ANKRD28: variants seen among roughly 807,000 people sequenced by gnomAD.
ANKRD28 encodes ankyrin repeat domain 28, also known as serine/threonine-protein phosphatase 6 regulatory ankyrin repeat subunit A.
ANKRD28 carries 44 observed loss-of-function variants against 126.5 expected under a neutral mutation model. The ratio of observed to expected loss-of-function variants is 0.35; its 90% CI spans 0.27 to 0.45. The LOEUF (loss-of-function observed/expected upper bound fraction) is 0.45, where lower values mean the gene tolerates loss of function less well. Among genes scored for constraint, ANKRD28 ranks in the 20% least tolerant of loss-of-function variants. ANKRD28 has a pLI of 1.00. For synonymous variants in ANKRD28, 442 were observed against 468.5 expected, an observed-to-expected ratio of 0.94 and a Z score of 0.73; for missense variants, 1,110 against 1,316.6, an observed-to-expected ratio of 0.84 and a Z score of 2.43.
intron 4 of ANKRD28, among the ~76,000 whole-genome samples, chr3:15,744,321 C>T (rs2057325145): frequency 6.7e-6 from 1 of 148,772 alleles, no homozygotes; most frequent in Non-Finnish European, 1.5e-5. Flanking sequence ...TTATCTTTTT[C>T]TTTTTTTTTT....
Position 15,817,552 on chromosome 3 carries a change from G to A in ANKRD28, c.28-22246C>T, listed in dbSNP as rs572960318. Among the ~76,000 whole-genome samples the A allele has an allele frequency of 6.6e-6, 1 of 152,220 alleles. No individual in the cohort carries two copies. The highest frequency in any genetic ancestry group is 1.9e-4 in the East Asian group (1 of 5,178). On this transcript the variant is annotated intron_variant, in intron 1 of 27. Coordinates refer to the ANKRD28 transcript ENST00000399451. This position sits in a 1 kb window ranked among gnomAD's most constrained non-coding sequence, Gnocchi z 4.5. Reference sequence around the variant, plus strand: ...AGACAGACAGACATACAGTTCCTTAGGAATCACAAGATATACCAGTTGATG... The same window carrying A: ...AGACAGACAGACATACAGTTCCTTAAGAATCACAAGATATACCAGTTGATG...
At position 15,814,256 on chromosome 3, in the gene ANKRD28, A is replaced by T. The variant is rs2060786790; in HGVS notation, c.28-18950T>A. 7.9e-7 allele frequency: 1 copy of T among 1,259,378 alleles called. No individual in the cohort carries two copies. Among genetic ancestry groups the T allele is most frequent in the Non-Finnish European group, 1.0e-6 (1 of 978,862 alleles). 78.0% of individuals were successfully genotyped at this position (1,259,378 alleles called of 1,614,324 possible). On this transcript the variant is annotated intron_variant, in intron 1 of 27. Transcript: ENST00000399451. The surrounding 1 kb of genome is among the most constrained non-coding windows in gnomAD (Gnocchi z 4.7). ...ATAACCTACCATAATAGGAATTCCC[A>T]TACTATTTTCCTCTGGTGGAGGCAG...
intron 6 of ANKRD28, among the ~76,000 whole-genome samples, chr3:15,726,286 G>T (rs1038123876): frequency 6.6e-6 from 1 of 152,184 alleles, no homozygotes; most frequent in East Asian, 1.9e-4. Context: ...CAGGCTGAAA[G>T]CTAGGCCTCC....
chr3:15,686,201 C>G, intron 19 of ANKRD28, 21 bp downstream of exon 19: 1 of 1,589,370 alleles, frequency 6.3e-7, no homozygotes, highest in Non-Finnish European at 8.6e-7. Context: ...TGTGATGCAA[C>G]AATTATTTAT....
chr3:15,710,377 T>G (rs1263025099), intron 12 of ANKRD28, among the ~76,000 whole-genome samples: 2 of 152,170 alleles, frequency 1.3e-5, no homozygotes, highest in Non-Finnish European at 2.9e-5. Flanking sequence ...GACACTCAAG[T>G]CTGTTGTCCC....
chr3:15,772,316 A>T (rs141326447), intron 2 of ANKRD28, among the ~76,000 whole-genome samples: 120 of 152,318 alleles, frequency 7.9e-4, no homozygotes, highest in African/African-American at 2.8e-3. Flanking sequence ...ATCAAAGGAA[A>T]AAATAGTCTG....
intron 1 of ANKRD28, among the ~76,000 whole-genome samples, chr3:15,807,190 G>A (rs1037378394): frequency 3.9e-5 from 6 of 152,050 alleles, no homozygotes; most frequent in Admixed American, 3.3e-4. Context: ...ATATCCTTCC[G>A]TGTCTCCCTT....
Position 15,707,943 on chromosome 3 carries a change from T to C in ANKRD28, c.1528A>G (p.Thr510Ala). ...ACTTACTTGCCATCTGTGTCTGATG[T>C]AGCTGCATAGTGCAGGGGTGTGCAG... ...RGCTPLHYAATSDTDGKCLEY... is the reference protein window; with the variant it reads ...RGCTPLHYAAASDTDGKCLEY... The change falls in exon 14 of 28, where the codon ACA (threonine) becomes GCA (alanine). Residue 510 changes from threonine to alanine, a missense_variant. Thr to Ala is a moderately conservative substitution (Grantham distance 58). Transcript: ENST00000683139. The C allele has an allele frequency of 6.2e-7, 1 of 1,613,410 alleles. No homozygotes were observed. Among genetic ancestry groups the C allele is most frequent in the Admixed American group, 1.7e-5 (1 of 59,926 alleles).
At chr3:15,743,373 AAC>A (rs2057240407) in intron 4 of ANKRD28, among the ~76,000 whole-genome samples, 1 of 148,272 alleles carries the variant, frequency 6.7e-6, no homozygotes, top group African/African-American at 2.6e-5. Flanking sequence ...CAAACAAACA[AAC>A]AAAAAAAAAC....
rs967347869 is a variant in ANKRD28, at chr3:15,797,196, CAAAAAACAAAAACA to C, written c.-689_-676del. ...ATTCTTTCAGTGTTTGGGAAAGGGG[CAAAAAACAAAAACA>C]AAAAAAAAAAAACCACTCTGCATTA... On this transcript the variant is annotated 5_prime_UTR_variant, in exon 1 of 28. An upstream open reading frame in the 5' UTR loses its in-frame stop. Transcript: ENST00000683139. The C allele has an allele frequency of 3.0e-5, 18 of 605,230 alleles. No homozygotes were observed. The South Asian group carries it at 4.9e-4, about 17-fold the overall frequency. 37.5% of individuals were successfully genotyped at this position (605,230 alleles called of 1,614,324 possible).
At chr3:15,809,428 A>G (rs1303420848) in intron 1 of ANKRD28, among the ~76,000 whole-genome samples, 1 of 152,218 alleles carries the variant, frequency 6.6e-6, no homozygotes, top group Non-Finnish European at 1.5e-5. Context: ...AAGCCTGACC[A>G]GAGTACTACC....
chr3:15,772,521 T>G (rs2059067089), intron 2 of ANKRD28, among the ~76,000 whole-genome samples: 1 of 152,080 alleles, frequency 6.6e-6, no homozygotes, highest in Admixed American at 6.6e-5. Context: ...TTGAAAAGGG[T>G]ACTACATCAC....
At chr3:15,726,920 A>G (rs2125023757) in intron 6 of ANKRD28, among the ~76,000 whole-genome samples, 1 of 152,244 alleles carries the variant, frequency 6.6e-6, no homozygotes, top group East Asian at 1.9e-4. Flanking sequence ...CACTTTGCCT[A>G]TGCTCTAAAA....
At chr3:15,800,891 T>A, upstream of ANKRD28, among the ~76,000 whole-genome samples, 1 of 152,122 alleles carries the variant, frequency 6.6e-6, no homozygotes, top group East Asian at 1.9e-4. Flanking sequence ...CAGCACTGTT[T>A]TGTGTCTTCT....
At chr3:15,777,849 T>TACACACAAACACACACACAC (rs2059357801) in intron 2 of ANKRD28, among the ~76,000 whole-genome samples, 2 of 106,136 alleles carry the variant, frequency 1.9e-5, no homozygotes, top group African/African-American at 6.5e-5. Flanking sequence ...AAAACCAAAC[T>TACACACAAACACACACACAC]ACACACACAC....
At chr3:15,820,931 A>G (rs532720813) in intron 1 of ANKRD28, among the ~76,000 whole-genome samples, 3 of 152,320 alleles carry the variant, frequency 2.0e-5, no homozygotes, top group African/African-American at 7.2e-5. Context: ...CTTTACAGCA[A>G]TACATATATG....
intron 2 of ANKRD28, among the ~76,000 whole-genome samples, chr3:15,789,177 T>A (rs1285224125): frequency 3.3e-5 from 5 of 152,138 alleles, no homozygotes; most frequent in Non-Finnish European, 7.4e-5. Context: ...GTTAGGTTCC[T>A]ATCCAAACAA....
At chr3:15,807,715 G>A (rs1027119381) in intron 1 of ANKRD28, among the ~76,000 whole-genome samples, 2 of 152,150 alleles carry the variant, frequency 1.3e-5, no homozygotes, top group African/African-American at 2.4e-5. Context: ...GGTTGATAAA[G>A]CTGAAGATAT....
At position 15,854,177 on chromosome 3, in the gene ANKRD28, C is replaced by T. The variant is rs374282448; in HGVS notation, c.27+5200G>A. Among the ~76,000 whole-genome samples, 2 of 152,174 alleles carry T rather than the reference C, an allele frequency of 1.3e-5. No homozygotes were observed. Among genetic ancestry groups the T allele is most frequent in the African/African-American group, 4.8e-5 (2 of 41,430 alleles). On this transcript the variant is annotated intron_variant, in intron 1 of 27. Transcript: ENST00000399451. The surrounding 1 kb of genome is among the most constrained non-coding windows in gnomAD (Gnocchi z 4.1). ...CAGGCCCTATTTTAAGGAGGCCCAG[C>T]TCAAACGTCCCATCACTTACCAATG...
Sources: allele counts gnomAD v4.1 joint callset (sites outside exome capture counted in the v4.1 genomes callset), GRCh38; gene constraint gnomAD v4.1.1; non-coding constraint Gnocchi (gnomAD v3.1); transcripts MANE v1.5; gene names NCBI Gene and HGNC (gene_info 2026-07-23, HGNC 2026-07-21).